GMDS: variants seen among roughly 807,000 people sequenced by gnomAD.
GMDS encodes GDP-mannose 4,6-dehydratase.
GMDS carries 20 observed loss-of-function variants against 49.9 expected under a neutral mutation model. That is an observed-to-expected ratio of 0.40 (90% CI 0.28 to 0.58). The LOEUF is 0.58. GMDS is among the 20% of genes least tolerant of loss of function. The pLI, the probability that GMDS is intolerant of heterozygous loss-of-function variation, is 0.42. For missense variants in GMDS, 362 were observed against 481.4 expected, an observed-to-expected ratio of 0.75 and a Z score of 2.32; for synonymous variants, 177 against 178.6, an observed-to-expected ratio of 0.99 and a Z score of 0.07.
chr6:2,016,820 T>C (rs540093784), intron 4 of GMDS, among the ~76,000 whole-genome samples: 1 of 152,194 alleles, frequency 6.6e-6, no homozygotes, highest in East Asian at 1.9e-4. Context: ...AAATAACCCA[T>C]GGGTCAAAGA....
In GMDS at chr6:2,245,414, G is replaced by C; in HGVS notation, c.9C>G (p.His3Gln). 2 of 1,518,014 alleles carry C rather than the reference G, an allele frequency of 1.3e-6. No individual in the cohort carries two copies. The highest frequency in any genetic ancestry group is 1.8e-6 in the Non-Finnish European group (2 of 1,137,788). 94.0% of individuals were successfully genotyped at this position (1,518,014 alleles called of 1,614,324 possible). A position where few individuals can be genotyped will look rare whatever the true frequency, so the allele number is the denominator to read the frequency against. The change falls in exon 1 of 11, where the codon CAC becomes CAG. Residue 3 changes from histidine (H) to glutamine (Q), a missense_variant. Transcript: ENST00000380815. MA[H>Q]APARCPSARG... ...GGGCGCTGGGGCAGCGTGCCGGTGC[G>C]TGTGCCATGTCCCGCGGCGGGCGTG...
intron 4 of GMDS, among the ~76,000 whole-genome samples, chr6:1,980,768 A>C (rs1277506118): frequency 1.3e-5 from 2 of 152,226 alleles, no homozygotes; most frequent in East Asian, 3.8e-4. Context: ...GACTTACTCT[A>C]AAATTAATCA....
In GMDS at chr6:2,184,417, C is replaced by G. The variant is rs571450225; in HGVS notation, c.103-59686G>C. Among the ~76,000 whole-genome samples the G allele has an allele frequency of 2.0e-5, 3 of 152,316 alleles. No individual in the cohort carries two copies. In the East Asian group the frequency reaches 5.8e-4, roughly 29 times the overall value. On this transcript the variant is annotated intron_variant, in intron 1 of 10. Transcript: ENST00000380815. ...CTTCCCCCCACCTCTCTTAACGATTCTCTTCCTCATTATACTCCTGGCCTC... is the reference window on the plus strand; with the variant it reads ...CTTCCCCCCACCTCTCTTAACGATTGTCTTCCTCATTATACTCCTGGCCTC...
At chr6:1,939,086 CA>C (rs1762689499) in intron 6 of GMDS, among the ~76,000 whole-genome samples, 1 of 151,058 alleles carries the variant, frequency 6.6e-6, no homozygotes, top group South Asian at 2.1e-4. Flanking sequence ...GGCATTTTTA[CA>C]TTCTGTTCTT....
rs1020899000 is a variant in GMDS, at chr6:1,836,807, C to G, written c.771+93296G>C. On this transcript the variant is annotated intron_variant, in intron 7 of 10. Transcript: ENST00000380815. The surrounding 1 kb of genome is among the most constrained non-coding windows in gnomAD (Gnocchi z 4.2). ...TAGAGGACACCTGAATTACATAAAT[C>G]TCTATCACAAAGTTACAATTTCTGT... 6.6e-6 allele frequency among the ~76,000 whole-genome samples: 1 copy of G among 152,188 alleles called. No individual in the cohort carries two copies. Among genetic ancestry groups the G allele is most frequent in the African/African-American group, 2.4e-5 (1 of 41,434 alleles).
chr6:1,631,367 C>T (rs936484357), intron 9 of GMDS, among the ~76,000 whole-genome samples: 3 of 151,938 alleles, frequency 2.0e-5, no homozygotes, highest in African/African-American at 4.8e-5. Flanking sequence ...ATCTTTACCC[C>T]GCACCTTCTC....
intron 1 of GMDS, among the ~76,000 whole-genome samples, chr6:2,199,467 T>C (rs1779410687): frequency 6.6e-6 from 1 of 152,196 alleles, no homozygotes; most frequent in Admixed American, 6.5e-5. Flanking sequence ...CCATTTACTT[T>C]CTGCCTTCAA....
chr6:2,059,365 C>A (rs1467232777), intron 4 of GMDS, among the ~76,000 whole-genome samples: 2 of 151,694 alleles, frequency 1.3e-5, no homozygotes, highest in African/African-American at 4.8e-5. Flanking sequence ...TCATTATCAT[C>A]CGCTTAAGTG....
intron 4 of GMDS, among the ~76,000 whole-genome samples, chr6:2,015,961 G>C (rs1365022757): frequency 2.0e-5 from 3 of 151,272 alleles, no homozygotes; most frequent in Non-Finnish European, 2.9e-5. Context: ...AGGAAGGCTA[G>C]ATGTAGCAGC....
At chr6:1,804,638 T>C (rs1756276315) in intron 7 of GMDS, among the ~76,000 whole-genome samples, 1 of 152,208 alleles carries the variant, frequency 6.6e-6, no homozygotes, top group Non-Finnish European at 1.5e-5. Flanking sequence ...TAGAACTTCA[T>C]TATACATTAA....
intron 6 of GMDS, among the ~76,000 whole-genome samples, chr6:1,945,131 T>C (rs1763018074): frequency 6.6e-6 from 1 of 152,074 alleles, no homozygotes; most frequent in Non-Finnish European, 1.5e-5. Flanking sequence ...GAAAACACTG[T>C]CTTAGTTGTC....
At chr6:2,038,592 A>G (rs1208334807) in intron 4 of GMDS, among the ~76,000 whole-genome samples, 1 of 151,970 alleles carries the variant, frequency 6.6e-6, no homozygotes, top group African/African-American at 2.4e-5. Flanking sequence ...GCAAAAAAAA[A>G]CAGCTCTTCA....
chr6:1,824,727 C>T (rs1420288483), intron 7 of GMDS, among the ~76,000 whole-genome samples: 2 of 152,170 alleles, frequency 1.3e-5, no homozygotes, highest in Non-Finnish European at 2.9e-5. Flanking sequence ...CAAAATTTAA[C>T]AGTTAGGATG....
chr6:2,042,371 C>T (rs1769736154), intron 4 of GMDS, among the ~76,000 whole-genome samples: 1 of 152,166 alleles, frequency 6.6e-6, no homozygotes, highest in South Asian at 2.1e-4. Flanking sequence ...CTCCTCTGTT[C>T]TACTTCCCAG....
At chr6:2,153,088 A>C (rs1776918796) in intron 1 of GMDS, among the ~76,000 whole-genome samples, 1 of 152,202 alleles carries the variant, frequency 6.6e-6, no homozygotes, top group South Asian at 2.1e-4. Flanking sequence ...AAAAGACAAA[A>C]GTAGCATCTT....
intron 7 of GMDS, among the ~76,000 whole-genome samples, chr6:1,754,571 A>G (rs1160773962): frequency 6.6e-6 from 1 of 152,222 alleles, no homozygotes; most frequent in East Asian, 1.9e-4. Context: ...GTGAGACACA[A>G]CAAAAAAAGA....
At chr6:2,045,411 G>A (rs1161782644) in intron 4 of GMDS, among the ~76,000 whole-genome samples, 2 of 146,924 alleles carry the variant, frequency 1.4e-5, no homozygotes, top group Non-Finnish European at 3.0e-5. Flanking sequence ...TTTTTTTCCT[G>A]AGAAAGAATT....
At chr6:1,781,065 G>A (rs115046151) in intron 7 of GMDS, among the ~76,000 whole-genome samples, 2,967 of 152,034 alleles carry the variant, frequency 0.02, 116 homozygotes, top group African/African-American at 0.068. Flanking sequence ...CCAAGCGCTC[G>A]CCTTAAGTGG....
chr6:1,961,122 T>C (rs1045770914), intron 4 of GMDS, among the ~76,000 whole-genome samples, 156 bp from the exon 5 acceptor site: 1 of 152,256 alleles, frequency 6.6e-6, no homozygotes, highest in African/African-American at 2.4e-5. Flanking sequence ...GTCATCTACA[T>C]ACAGTATCAA....
Sources: allele counts gnomAD v4.1 joint callset (sites outside exome capture counted in the v4.1 genomes callset), GRCh38; gene constraint gnomAD v4.1.1; non-coding constraint Gnocchi (gnomAD v3.1); transcripts MANE v1.5; gene names NCBI Gene and HGNC (gene_info 2026-07-23, HGNC 2026-07-21).